Variants in ENPP3 observed in about 807,000 individuals in gnomAD.
ENPP3 encodes ectonucleotide pyrophosphatase/phosphodiesterase 3.
Under a neutral mutation model 117.8 loss-of-function variants are expected in ENPP3, and 104 were observed. The ratio of observed to expected loss-of-function variants is 0.88; its 90% CI spans 0.75 to 1.04. The LOEUF (loss-of-function observed/expected upper bound fraction) is 1.04. ENPP3 is among the 50% of genes least tolerant of loss of function. ENPP3 has a pLI of 0.00. For synonymous variants in ENPP3, 380 were observed against 349.9 expected, an observed-to-expected ratio of 1.09 and a Z score of -0.96; for missense variants, 1,026 against 1,051.9, an observed-to-expected ratio of 0.98 and a Z score of 0.34.
chr6:131,716,426 G>T (rs1418984216), intron 15 of ENPP3, among the ~76,000 whole-genome samples: 1 of 151,938 alleles, frequency 6.6e-6, no homozygotes, highest in African/African-American at 2.4e-5. Flanking sequence ...TTTAAATTGA[G>T]CTGGATTAGG....
chr6:131,742,666 T>C (rs1377102556), intron 24 of ENPP3, among the ~76,000 whole-genome samples: 1 of 151,588 alleles, frequency 6.6e-6, no homozygotes, highest in African/African-American at 2.4e-5. Context: ...TGTACTTAAG[T>C]CTCTTCACAA....
chr6:131,674,977 T>G (rs1376370739), intron 8 of ENPP3, 103 bp from the exon 9 acceptor site: 1 of 669,282 alleles, frequency 1.5e-6, no homozygotes, highest in East Asian at 2.6e-5. Flanking sequence ...AATTTCAATT[T>G]TAATACATGT....
chr6:131,693,611 T>A lies in ENPP3; in HGVS notation c.1399T>A (p.Trp467Arg). 1 of 1,613,326 alleles carries A rather than the reference T, an allele frequency of 6.2e-7. No homozygotes were observed. Among genetic ancestry groups the A allele is most frequent in the Non-Finnish European group, 8.5e-7 (1 of 1,179,668 alleles). ...AGTTCATCTCTTTGTGGATCAACAG[T>A]GGCTGGCTGTTAGGTTCGTGTATCT... ...DKVHLFVDQQ[W>R]LAVRSKSNTN... The change falls in exon 15 of 25, where the codon TGG becomes AGG. Residue 467 changes from tryptophan to arginine, a missense_variant. Physicochemically the swap from Trp to Arg is moderately radical, Grantham distance 101. Transcript: ENST00000357639.
At position 131,675,621 on chromosome 6, in the gene ENPP3, A is replaced by G. The variant is rs541355860; in HGVS notation, c.872+432A>G. ...GATGGGCTGATCACCTGAGGTCAGG[A>G]GTTCAAGACCAGCCTGGTCAACATG... On this transcript the variant is annotated intron_variant, in intron 9 of 24. Transcript: ENST00000357639. Among the ~76,000 whole-genome samples, 5 of 152,276 alleles carry G rather than the reference A, an allele frequency of 3.3e-5. No individual in the cohort carries two copies. In the East Asian group the frequency reaches 9.7e-4, roughly 29 times the overall value.
chr6:131,688,006 G>C (rs980909909), intron 14 of ENPP3, among the ~76,000 whole-genome samples: 2 of 152,144 alleles, frequency 1.3e-5, no homozygotes, highest in South Asian at 4.1e-4. Flanking sequence ...TCTGCACTGA[G>C]CATGTCTATC....
intron 2 of ENPP3, among the ~76,000 whole-genome samples, chr6:131,643,838 T>G (rs1406354073): frequency 6.6e-6 from 1 of 151,212 alleles, no homozygotes. Flanking sequence ...AGACAGACAA[T>G]AAAAATATAA....
At chr6:131,740,648 A>T (rs1404691311) in intron 24 of ENPP3, among the ~76,000 whole-genome samples, 1 of 152,208 alleles carries the variant, frequency 6.6e-6, no homozygotes, top group Admixed American at 6.5e-5. Context: ...TAATAATGAA[A>T]GAGGTGAAAT....
At chr6:131,701,743 G>T (rs1481798105) in intron 15 of ENPP3, among the ~76,000 whole-genome samples, 1 of 150,484 alleles carries the variant, frequency 6.6e-6, no homozygotes, top group African/African-American at 2.5e-5. Flanking sequence ...TTAGCCCGGC[G>T]TGGCGGCGTG....
chr6:131,707,195 T>C, intron 15 of ENPP3, among the ~76,000 whole-genome samples: 1 of 151,742 alleles, frequency 6.6e-6, no homozygotes, highest in South Asian at 2.1e-4. Context: ...CTGCATTTTG[T>C]CCATTTTGTC....
chr6:131,668,934 C>T (rs746606628), intron 6 of ENPP3, among the ~76,000 whole-genome samples: 2 of 152,176 alleles, frequency 1.3e-5, no homozygotes, highest in African/African-American at 2.4e-5. Flanking sequence ...GCAGGTAATA[C>T]AAAACGGTAG....
At position 131,675,405 on chromosome 6, in the gene ENPP3, C is replaced by T. The variant is rs1778844933; in HGVS notation, c.872+216C>T. The T allele has an allele frequency of 1.8e-5, 9 of 499,876 alleles. No individual in the cohort carries two copies. The South Asian group carries it at 2.3e-4, about 12-fold the overall frequency. The allele number at this position is 499,876 out of a possible 1,614,324, so 31.0% of individuals were successfully genotyped here. On this transcript the variant is annotated intron_variant, in intron 9 of 24. Transcript: ENST00000357639. The stretch of plus-strand genomic sequence containing the variant: ...ATGTAGCCTGAGAACTTTTTATTAC[C>T]TCTAGCATTACCACTCTGGTTCGAG...
rs1434024794 is a variant in ENPP3, at chr6:131,695,426, C to T, written c.1412+1802C>T. On this transcript the variant is annotated intron_variant, in intron 15 of 24. Coordinates refer to ENST00000357639, the MANE Select transcript of ENPP3 (RefSeq NM_005021.5). ...ACTGAAATGTTAAAAGAACTGCAAC[C>T]CAAGAGTTCATGGCCAGGCTCCCCA... Among the ~76,000 whole-genome samples the T allele has an allele frequency of 2.0e-5, 3 of 152,054 alleles. No individual in the cohort carries two copies. The East Asian group carries it at 5.8e-4, about 29-fold the overall frequency.
At chr6:131,679,026 C>CTTCCTTCCTTCT (rs1562446870) in intron 11 of ENPP3, among the ~76,000 whole-genome samples, 31 of 47,852 alleles carry the variant, frequency 6.5e-4, no homozygotes, top group East Asian at 5.1e-3. Flanking sequence ...TCCTTCCTTC[C>CTTCCTTCCTTCT]TTCTTTCTTT....
At chr6:131,664,340 TATAGA>T (rs1375952112) in intron 6 of ENPP3, among the ~76,000 whole-genome samples, 3 of 152,102 alleles carry the variant, frequency 2.0e-5, no homozygotes, top group Admixed American at 1.3e-4. Flanking sequence ...AACAAAAGCT[TATAGA>T]ATAAAGATAT....
intron 14 of ENPP3, among the ~76,000 whole-genome samples, chr6:131,692,366 TA>T (rs1779298970): frequency 6.6e-6 from 1 of 152,004 alleles, no homozygotes; most frequent in Non-Finnish European, 1.5e-5. Context: ...AACAAAATTT[TA>T]CTCCAATTTG....
In ENPP3 at chr6:131,658,319, T is replaced by C. The variant is rs753156469; in HGVS notation, c.465-4T>C. On this transcript the variant is annotated splice_polypyrimidine_tract_variant and splice_region_variant and intron_variant, in intron 5 of 24. Coordinates refer to ENST00000357639, the MANE Select transcript of ENPP3 (RefSeq NM_005021.5). Reference sequence around the variant, plus strand: ...AATGGACAAATTTTGTTTTCCATTTTCAGGTTTGACCTGCCACCAGTTATC... The same window carrying C: ...AATGGACAAATTTTGTTTTCCATTTCCAGGTTTGACCTGCCACCAGTTATC... The C allele has an allele frequency of 3.2e-6, 5 of 1,580,080 alleles. No homozygotes were observed. The South Asian group carries it at 5.5e-5, about 18-fold the overall frequency.
At chr6:131,679,050 T>C (rs1167017719) in intron 11 of ENPP3, among the ~76,000 whole-genome samples, 16 of 127,052 alleles carry the variant, frequency 1.3e-4, no homozygotes, top group South Asian at 8.0e-4. Flanking sequence ...TCTTTCTTTC[T>C]TTCTTTCTTT....
intron 6 of ENPP3, among the ~76,000 whole-genome samples, chr6:131,670,263 G>A (rs1778709935): frequency 6.6e-6 from 1 of 152,146 alleles, no homozygotes; most frequent in Admixed American, 6.5e-5. Context: ...CATTTGTCTA[G>A]ACAGTAGTGT....
chr6:131,682,589 T>G (rs896709967), intron 11 of ENPP3, among the ~76,000 whole-genome samples: 11 of 152,228 alleles, frequency 7.2e-5, no homozygotes, highest in African/African-American at 2.7e-4. Context: ...CCATTTGTAC[T>G]CCAAGTGTTG....
Sources: gnomAD v4.1 joint callset for allele counts (sites outside exome capture counted in the v4.1 genomes callset) on GRCh38, gnomAD v4.1.1 for gene constraint, MANE v1.5 for transcripts, NCBI Gene and HGNC (gene_info 2026-07-23, HGNC 2026-07-21) for gene names.